The following PPFIBP2 variants were observed in gnomAD, a reference collection of about 807,000 sequenced individuals.
PPFIBP2 encodes liprin-beta-2.
PPFIBP2 carries 118 observed loss-of-function variants against 118.3 expected under a neutral mutation model. The ratio of observed to expected loss-of-function variants is 1.00; its 90% CI spans 0.86 to 1.16. The LOEUF (loss-of-function observed/expected upper bound fraction) is 1.16. PPFIBP2 is among the 50% of genes most tolerant of loss of function. The probability of loss-of-function intolerance (pLI) is 0.00; values close to 1 mark genes in which losing one functional copy is unlikely to be tolerated. For synonymous variants in PPFIBP2, 414 were observed against 397.4 expected (o/e 1.04, Z -0.50); for missense variants, 1,195 against 1,073.1 (o/e 1.11, Z -1.59).
intron 5 of PPFIBP2, among the ~76,000 whole-genome samples, chr11:7,608,803 A>G (rs1256918645): frequency 6.6e-6 from 1 of 152,246 alleles, no homozygotes; most frequent in Non-Finnish European, 1.5e-5. Context: ...GAAGATGTAT[A>G]CAAAAGCACC....
rs112417448 is a variant in PPFIBP2, at chr11:7,632,902, A to C, written c.1104A>C (p.Pro368=). 5 of 1,613,772 alleles carry C rather than the reference A, an allele frequency of 3.1e-6. No individual in the cohort carries two copies. The African/African-American group carries it at 5.3e-5, about 17-fold the overall frequency. Residue 368 remains proline, a synonymous_variant, in exon 12 of 24, where the codon CCA becomes CCC. Coordinates refer to ENST00000299492, the MANE Select transcript of PPFIBP2 (RefSeq NM_003621.5). ...PPRCSSPTVG[P]PPLPQKSLET... is the part of the protein sequence containing the mutation. Reference sequence around the variant, plus strand: ...GATGTAGCTCTCCTACAGTGGGGCCACCTCCATTGCCACAGAAATCACTGG... The same window carrying C: ...GATGTAGCTCTCCTACAGTGGGGCCCCCTCCATTGCCACAGAAATCACTGG...
At chr11:7,550,285 T>G (rs1852822006) in intron 2 of PPFIBP2, among the ~76,000 whole-genome samples, 1 of 152,256 alleles carries the variant, frequency 6.6e-6, no homozygotes, top group Non-Finnish European at 1.5e-5. Flanking sequence ...GATGTGCTTC[T>G]TTGGAACTTT....
intron 1 of PPFIBP2, among the ~76,000 whole-genome samples, chr11:7,519,984 G>C (rs1045853367): frequency 6.6e-6 from 1 of 152,216 alleles, no homozygotes; most frequent in African/African-American, 2.4e-5. Flanking sequence ...CCTTTGTCCA[G>C]CTGCTGTGGC....
chr11:7,627,465 T>A (rs759476615), intron 8 of PPFIBP2, among the ~76,000 whole-genome samples: 5 of 152,054 alleles, frequency 3.3e-5, no homozygotes, highest in Non-Finnish European at 5.9e-5. Context: ...TTTTTTTTTT[T>A]TATATAGACA....
chr11:7,578,494 T>A (rs1856787956), intron 3 of PPFIBP2, among the ~76,000 whole-genome samples: 1 of 152,262 alleles, frequency 6.6e-6, no homozygotes, highest in African/African-American at 2.4e-5. Flanking sequence ...CTGAGCTGGC[T>A]GGCTTTTGTG....
At chr11:7,657,243 CAGG>C (rs1036198592), downstream of PPFIBP2, 3 of 167,200 alleles carry the variant, frequency 1.8e-5, no homozygotes, top group African/African-American at 7.2e-5. Context: ...AAATGGTCAC[CAGG>C]AGGTCCCTCC....
chr11:7,579,742 G>C (rs1215940465), intron 3 of PPFIBP2, among the ~76,000 whole-genome samples: 2 of 152,190 alleles, frequency 1.3e-5, no homozygotes, highest in Non-Finnish European at 2.9e-5. Flanking sequence ...ACAGTTGGAA[G>C]TTTGCTTAGG....
At chr11:7,653,902 G>A (rs762806693), downstream of PPFIBP2, 7 of 807,834 alleles carry the variant, frequency 8.7e-6, no homozygotes, top group Non-Finnish European at 1.2e-5. Flanking sequence ...TCACCAGGGG[G>A]GTAGAGCAAG....
chr11:7,651,916 G>A (rs948822395), intron 23 of PPFIBP2, 72 bp downstream of exon 23: 32 of 1,379,168 alleles, frequency 2.3e-5, no homozygotes, highest in African/African-American at 1.2e-4. Context: ...CACCTGGCGC[G>A]ATGCCCACAG....
rs1298545891 is a variant in PPFIBP2, at chr11:7,648,806, G to C, written c.1804G>C (p.Gly602Arg). 2 of 1,613,682 alleles carry C rather than the reference G, an allele frequency of 1.2e-6. No individual in the cohort carries two copies. The highest frequency in any genetic ancestry group is 4.5e-5 in the East Asian group (2 of 44,894). The change falls in exon 19 of 24, where the codon GGA becomes CGA. Residue 602 changes from glycine to arginine, a missense_variant. Gly to Arg is a moderately radical substitution (Grantham distance 125). Coordinates refer to ENST00000299492, the MANE Select transcript of PPFIBP2 (RefSeq NM_003621.5). ...ATPQDMEKEL[G>R]IKHPLHRKKL... is the part of the protein sequence containing the mutation. ...CTTCATCTTTTAATTTCAGGAGCTAGGAATTAAGCACCCACTCCACAGGAA... is the reference window on the plus strand; with the variant it reads ...CTTCATCTTTTAATTTCAGGAGCTACGAATTAAGCACCCACTCCACAGGAA...
At chr11:7,567,372 T>G (rs1204061736) in intron 3 of PPFIBP2, among the ~76,000 whole-genome samples, 1 of 152,252 alleles carries the variant, frequency 6.6e-6, no homozygotes, top group East Asian at 1.9e-4. Context: ...TTTTTCAAGA[T>G]GCATTGGTAG....
At chr11:7,580,014 G>A (rs1016319491) in intron 3 of PPFIBP2, among the ~76,000 whole-genome samples, 5 of 151,590 alleles carry the variant, frequency 3.3e-5, no homozygotes, top group African/African-American at 4.8e-5. Context: ...AGCCCCCCTG[G>A]ACTCACCCTT....
chr11:7,525,980 A>G (rs1850196655), intron 1 of PPFIBP2, among the ~76,000 whole-genome samples: 1 of 152,202 alleles, frequency 6.6e-6, no homozygotes, highest in South Asian at 2.1e-4. Flanking sequence ...GCAGAGATGA[A>G]GGCCTATGGT....
intron 2 of PPFIBP2, among the ~76,000 whole-genome samples, chr11:7,560,772 C>T (rs1198691488): frequency 1.3e-5 from 2 of 152,184 alleles, no homozygotes; most frequent in African/African-American, 2.4e-5. Context: ...TGAGGGTACC[C>T]TTATGAACAG....
chr11:7,560,736 C>T (rs1430780288), intron 2 of PPFIBP2, among the ~76,000 whole-genome samples: 1 of 152,134 alleles, frequency 6.6e-6, no homozygotes, highest in Non-Finnish European at 1.5e-5. Flanking sequence ...AAGATTAGGC[C>T]AGTCTTTGTG....
At position 7,650,865 on chromosome 11, in the gene PPFIBP2, T is replaced by C. The variant is rs762385926; in HGVS notation, c.2147T>C (p.Val716Ala). 1.9e-6 allele frequency: 3 copies of C among 1,613,982 alleles called. No individual in the cohort carries two copies. In the East Asian group the frequency reaches 6.7e-5, roughly 36 times the overall value. ...AGTAACCTTTCTCCTTCAGAAGTTG[T>C]ACAGTGGTCCAACCACAGGGTGATG... The part of the protein sequence containing the change: ...DESNLSPSEV[V>A]QWSNHRVMEW... The change falls in exon 22 of 24, where the codon GTA (valine) becomes GCA (alanine). Residue 716 changes from valine to alanine, a missense_variant. Val to Ala is a moderately conservative substitution (Grantham distance 64). Coordinates refer to ENST00000299492, the MANE Select transcript of PPFIBP2 (RefSeq NM_003621.5).
At chr11:7,594,733 A>G (rs1011454232) in intron 4 of PPFIBP2, among the ~76,000 whole-genome samples, 4 of 151,404 alleles carry the variant, frequency 2.6e-5, no homozygotes, top group African/African-American at 7.3e-5. Flanking sequence ...CTTGACCAGC[A>G]TGGTGAAACC....
At chr11:7,541,572 A>G (rs1321318766) in intron 1 of PPFIBP2, among the ~76,000 whole-genome samples, 2 of 152,116 alleles carry the variant, frequency 1.3e-5, no homozygotes, top group African/African-American at 2.4e-5. Context: ...CGGTGGCTGC[A>G]TGGTGGAGTG....
At chr11:7,639,678 A>C in intron 14 of PPFIBP2, 54 bp from the exon 15 acceptor site, 8 of 1,610,988 alleles carry the variant, frequency 5.0e-6, no homozygotes, top group Non-Finnish European at 5.9e-6. Context: ...AGGATTTCCT[A>C]ACTGAGGCTG....
Sources: gnomAD v4.1 joint callset for allele counts (sites outside exome capture counted in the v4.1 genomes callset) on GRCh38, gnomAD v4.1.1 for gene constraint, MANE v1.5 for transcripts, NCBI Gene and HGNC (gene_info 2026-07-23, HGNC 2026-07-21) for gene names.